ANTXR1: variants seen among roughly 807,000 people sequenced by gnomAD.
The protein encoded by ANTXR1 is anthrax toxin receptor 1.
In ANTXR1, 19 loss-of-function variants were observed where a neutral mutation model predicts 78.1. That is an observed-to-expected ratio of 0.24 (90% CI 0.17 to 0.36). ANTXR1 has a LOEUF of 0.36. ANTXR1 is among the 10% of genes least tolerant of loss of function. The pLI is 1.00. For missense variants in ANTXR1, 518 were observed against 718.6 expected (o/e 0.72, Z 3.19); for synonymous variants, 273 against 260.5 (o/e 1.05, Z -0.46).
chr2:69,026,349 C>G (rs940559202), intron 1 of ANTXR1, among the ~76,000 whole-genome samples: 12 of 152,146 alleles, frequency 7.9e-5, no homozygotes, highest in African/African-American at 2.7e-4. Context: ...AATTCAGTCT[C>G]CTCATCTGGA....
intron 12 of ANTXR1, among the ~76,000 whole-genome samples, chr2:69,142,686 A>T (rs114014864): frequency 1.3e-5 from 2 of 152,352 alleles, no homozygotes; most frequent in Non-Finnish European, 2.9e-5. Context: ...TACCTGAGCA[A>T]AGACTTGAAA....
In ANTXR1 at chr2:69,201,864, A is replaced by T. The variant is rs1674780249; in HGVS notation, c.1434+8449A>T. 3.9e-5 allele frequency among the ~76,000 whole-genome samples: 6 copies of T among 152,292 alleles called. No homozygotes were observed. The South Asian group carries it at 1.2e-3, about 32-fold the overall frequency. ...CCTGTGGGACATCCAAACAAAAAGG[A>T]CCTGCAGCAGGTCAGGACCAGGGGG... On this transcript the variant is annotated intron_variant, in intron 17 of 17. Transcript: ENST00000303714.
At chr2:69,151,293 G>A (rs150226091) in intron 12 of ANTXR1, among the ~76,000 whole-genome samples, 1 of 141,938 alleles carries the variant, frequency 7.0e-6, no homozygotes, top group African/African-American at 2.6e-5. Context: ...CCAGTTCTAT[G>A]CAGAAGGAAG....
intron 17 of ANTXR1, among the ~76,000 whole-genome samples, chr2:69,234,904 A>C (rs1675714508): frequency 6.6e-6 from 1 of 151,394 alleles, no homozygotes; most frequent in Admixed American, 6.6e-5. Flanking sequence ...GCAGAACCAG[A>C]TCTCTTGAAT....
In ANTXR1 at chr2:69,040,025, C is replaced by T; in HGVS notation, c.153-19C>T. On this transcript the variant is annotated intron_variant, in intron 1 of 17. Transcript: ENST00000303714. ...AAGTAAACACCTGAGTCACGCAACA[C>T]CTGCTTTTGTTTTCCTAGATCAGGA... 6.2e-7 allele frequency: 1 copy of T among 1,611,258 alleles called. No individual in the cohort carries two copies. The highest frequency in any genetic ancestry group is 8.5e-7 in the Non-Finnish European group (1 of 1,177,812).
rs1425442634 is a variant in ANTXR1 at position 69,096,400 on chromosome 2, G to C, written c.703+5481G>C. ...AGGAGGGAAGGAAGGAAGGAAGGAAGGAAGGAAATCAAAAAGAATTCCAAT... is the reference window on the plus strand; with the variant it reads ...AGGAGGGAAGGAAGGAAGGAAGGAACGAAGGAAATCAAAAAGAATTCCAAT... On this transcript the variant is annotated intron_variant, in intron 9 of 17. Transcript: ENST00000303714. Among the ~76,000 whole-genome samples the C allele has an allele frequency of 1.4e-5, 2 of 141,472 alleles. 1 individual carries two copies. Among genetic ancestry groups the C allele is most frequent in the African/African-American group, 5.4e-5 (2 of 37,180 alleles). The allele number at this position is 141,472 out of a possible 152,430, so 92.8% of individuals were successfully genotyped here.
chr2:69,137,059 A>G (rs1672927926), intron 12 of ANTXR1, among the ~76,000 whole-genome samples: 1 of 152,154 alleles, frequency 6.6e-6, no homozygotes, highest in Admixed American at 6.5e-5. Flanking sequence ...GTTGCTATAA[A>G]ATATTGTAAA....
At chr2:69,182,932 A>T in intron 16 of ANTXR1, 1 of 470,102 alleles carries the variant, frequency 2.1e-6, no homozygotes, top group South Asian at 2.4e-5. Flanking sequence ...GAAGATTAGC[A>T]TGACCCCTGG....
In ANTXR1 at chr2:69,065,589, G is replaced by A. The variant is rs186927869; in HGVS notation, c.297-5058G>A. 2.5e-3 allele frequency among the ~76,000 whole-genome samples: 383 copies of A among 152,166 alleles called. 2 individuals carry two copies. The highest frequency in any genetic ancestry group is 8.8e-3 in the African/African-American group (367 of 41,522). On this transcript the variant is annotated intron_variant, in intron 3 of 17. Transcript: ENST00000303714. ...TATATTCAACAATTATAAGGGAAAT[G>A]AACAAATATCTGGGCATGTTACTGT...
intron 17 of ANTXR1, among the ~76,000 whole-genome samples, chr2:69,194,418 C>G (rs994963830): frequency 3.3e-5 from 5 of 152,238 alleles, no homozygotes; most frequent in Admixed American, 6.5e-5. Context: ...GCCTTTCCTT[C>G]CTGGCTGGAA....
intron 3 of ANTXR1, among the ~76,000 whole-genome samples, chr2:69,051,647 T>C (rs953694307): frequency 1.3e-5 from 2 of 152,086 alleles, no homozygotes; most frequent in African/African-American, 4.8e-5. Context: ...ACTTTGATGA[T>C]TAAAATTTTG....
intron 12 of ANTXR1, among the ~76,000 whole-genome samples, chr2:69,137,110 A>G (rs1045825248): frequency 6.6e-6 from 1 of 152,224 alleles, no homozygotes; most frequent in African/African-American, 2.4e-5. Context: ...TCACCAACTA[A>G]AATTTGGCGG....
chr2:69,190,148 G>A (rs890026448), intron 16 of ANTXR1, among the ~76,000 whole-genome samples: 11 of 152,194 alleles, frequency 7.2e-5, no homozygotes, highest in African/African-American at 2.4e-4. Context: ...GTCGGAGGGA[G>A]CAGGTAGAAG....
At chr2:69,110,261 A>T (rs1039821892) in intron 10 of ANTXR1, among the ~76,000 whole-genome samples, 1 of 152,344 alleles carries the variant, frequency 6.6e-6, no homozygotes, top group South Asian at 2.1e-4. Flanking sequence ...ATTTTGACCC[A>T]GAATTTCAAT....
chr2:69,227,627 A>G (rs1368288982), intron 17 of ANTXR1, among the ~76,000 whole-genome samples: 1 of 152,286 alleles, frequency 6.6e-6, no homozygotes, highest in South Asian at 2.1e-4. Context: ...CTCCGGGAAT[A>G]AACTGTCCAG....
At chr2:69,027,892 A>G (rs889827093) in intron 1 of ANTXR1, among the ~76,000 whole-genome samples, 3 of 152,040 alleles carry the variant, frequency 2.0e-5, no homozygotes, top group Admixed American at 6.6e-5. Context: ...GTGAAACAGG[A>G]GAAAAAATAT....
intron 3 of ANTXR1, among the ~76,000 whole-genome samples, chr2:69,060,607 A>G (rs1196541892): frequency 1.3e-5 from 2 of 152,186 alleles, no homozygotes; most frequent in Non-Finnish European, 2.9e-5. Flanking sequence ...ACACAAATCT[A>G]CTCTCAAATC....
At chr2:69,031,418 A>C (rs1297363016) in intron 1 of ANTXR1, among the ~76,000 whole-genome samples, 3 of 152,224 alleles carry the variant, frequency 2.0e-5, no homozygotes, top group African/African-American at 7.2e-5. Context: ...AATGTGAAAA[A>C]ATTATGGCTT....
chr2:69,242,048 C>A (rs1056839251), intron 17 of ANTXR1, among the ~76,000 whole-genome samples: 1 of 152,106 alleles, frequency 6.6e-6, no homozygotes, highest in African/African-American at 2.4e-5. Flanking sequence ...TCTAAAGGAC[C>A]AGGTGGTGGG....
Sources: gnomAD v4.1 joint callset for allele counts (sites outside exome capture counted in the v4.1 genomes callset) on GRCh38, gnomAD v4.1.1 for gene constraint, MANE v1.5 for transcripts, NCBI Gene and HGNC (gene_info 2026-07-23, HGNC 2026-07-21) for gene names.